The following WNT7B variants were observed in gnomAD, a reference collection of about 807,000 sequenced individuals.
WNT7B encodes Wnt family member 7B, also known as protein Wnt-7b.
A neutral mutation model predicts 38.2 loss-of-function variants in WNT7B; 19 were observed. The observed-to-expected ratio is 0.50, with a 90% CI of 0.35 to 0.73. WNT7B has a LOEUF of 0.73. Among genes scored for constraint, WNT7B ranks in the 30% least tolerant of loss-of-function variants. WNT7B has a pLI of 0.01. For missense variants in WNT7B, 423 were observed against 507.9 expected (o/e 0.83, Z 1.61); for synonymous variants, 243 against 209.3 (o/e 1.16, Z -1.39).
rs78437334 is a variant in WNT7B, at chr22:45,920,544, G to C, written c.*2312C>G. 2.0e-5 allele frequency: 3 copies of C among 151,248 alleles called. No homozygotes were observed. Among genetic ancestry groups the C allele is most frequent in the Non-Finnish European group, 3.0e-5 (2 of 67,780 alleles). 9.4% of individuals were successfully genotyped at this position (151,248 alleles called of 1,614,324 possible). ...TTTGGGGTGGGCAGGGGCTCAGTGG[G>C]GTGCCCGGCAGCCAAGGGACAGTGC... is the stretch of plus-strand genomic sequence containing the variant. On this transcript the variant is annotated 3_prime_UTR_variant, in exon 4 of 4. Coordinates refer to ENST00000339464, the MANE Select transcript of WNT7B (RefSeq NM_058238.3).
chr22:45,931,585 C>T (rs1413104630), intron 2 of WNT7B, among the ~76,000 whole-genome samples: 1 of 151,956 alleles, frequency 6.6e-6, no homozygotes, highest in Admixed American at 6.5e-5. Flanking sequence ...ATACAGCAGG[C>T]CCCAGGTCAC....
At position 45,948,291 on chromosome 22, in the gene WNT7B, T is replaced by G. The variant is rs1389997364; in HGVS notation, c.298+1629A>C. Among the ~76,000 whole-genome samples the G allele has an allele frequency of 2.0e-5, 3 of 152,208 alleles. No homozygotes were observed. In the East Asian group the frequency reaches 5.8e-4, roughly 29 times the overall value. On this transcript the variant is annotated intron_variant, in intron 2 of 3. Transcript: ENST00000339464. Reference sequence around the variant, plus strand: ...CCCCACTGGGGTGGATGGGCAGCCCTGCCTGCCACAGCTGGCACCTGGAGG... The same window carrying G: ...CCCCACTGGGGTGGATGGGCAGCCCGGCCTGCCACAGCTGGCACCTGGAGG...
chr22:45,928,331 T>G (rs1330426016), intron 3 of WNT7B, among the ~76,000 whole-genome samples: 1 of 152,178 alleles, frequency 6.6e-6, no homozygotes, highest in South Asian at 2.1e-4. Flanking sequence ...CACCTCCCAC[T>G]GCCGTGATGC....
At chr22:45,949,873 C>A (rs760710634) in intron 2 of WNT7B, 47 bp downstream of exon 2, 48 of 1,563,244 alleles carry the variant, frequency 3.1e-5, no homozygotes, top group Non-Finnish European at 4.2e-5. Context: ...TGGCCTACTG[C>A]CCCTGGCCAC....
chr22:45,970,589 C>A (rs1932413121), intron 1 of WNT7B, among the ~76,000 whole-genome samples: 1 of 152,074 alleles, frequency 6.6e-6, no homozygotes, highest in African/African-American at 2.4e-5. Flanking sequence ...TGGTCTCCCA[C>A]CCCGGACACC....
At chr22:45,969,621 C>T (rs28615830) in intron 1 of WNT7B, among the ~76,000 whole-genome samples, 14,904 of 152,286 alleles carry the variant, frequency 0.098, 1,032 homozygotes, top group African/African-American at 0.19. Flanking sequence ...GGGCGCAGGG[C>T]GCTTCCAGGC....
chr22:45,931,038 G>A, intron 3 of WNT7B, 60 bp downstream of exon 3: 1 of 1,501,584 alleles, frequency 6.7e-7, no homozygotes, highest in Non-Finnish European at 8.8e-7. Context: ...GGCTCCGAGA[G>A]GTCAGCGGGT....
At chr22:45,959,306 C>T (rs1031975924) in intron 1 of WNT7B, among the ~76,000 whole-genome samples, 6 of 152,244 alleles carry the variant, frequency 3.9e-5, no homozygotes, top group East Asian at 3.9e-4. Flanking sequence ...ACAGGTCAGT[C>T]GAAACCAGCT....
At chr22:45,930,306 G>C (rs1424564595) in intron 3 of WNT7B, among the ~76,000 whole-genome samples, 1 of 152,256 alleles carries the variant, frequency 6.6e-6, no homozygotes, top group African/African-American at 2.4e-5. Flanking sequence ...GGATTCTTCA[G>C]CTCCACTTTG....
chr22:45,958,620 A>G (rs1381749270), intron 1 of WNT7B, among the ~76,000 whole-genome samples: 1 of 152,154 alleles, frequency 6.6e-6, no homozygotes. Context: ...TTCCCTCAGA[A>G]CAGGAATCGG....
At chr22:45,926,285 C>A (rs564011380) in intron 3 of WNT7B, 2 of 985,296 alleles carry the variant, frequency 2.0e-6, no homozygotes, top group Admixed American at 6.1e-5. Context: ...CAAGAGACCA[C>A]CTGGCAGGGC....
chr22:45,929,055 G>C (rs141161086), intron 3 of WNT7B, among the ~76,000 whole-genome samples: 3 of 152,122 alleles, frequency 2.0e-5, no homozygotes, highest in Non-Finnish European at 2.9e-5. Flanking sequence ...AATGGGGAGA[G>C]TGAGAGTTTC....
At chr22:45,961,156 G>A (rs549214859) in intron 1 of WNT7B, among the ~76,000 whole-genome samples, 1 of 152,378 alleles carries the variant, frequency 6.6e-6, no homozygotes, top group South Asian at 2.1e-4. Flanking sequence ...GGGCGCGCCG[G>A]TGAGAAGGAA....
intron 3 of WNT7B, among the ~76,000 whole-genome samples, chr22:45,929,258 T>G (rs973579464): frequency 6.6e-6 from 1 of 152,196 alleles, no homozygotes; most frequent in South Asian, 2.1e-4. Context: ...AGGCCTCCTT[T>G]ATGGCATGGA....
chr22:45,952,626 C>A (rs1931960425), intron 1 of WNT7B, among the ~76,000 whole-genome samples: 1 of 152,262 alleles, frequency 6.6e-6, no homozygotes, highest in Non-Finnish European at 1.5e-5. Context: ...CTCTCCAGTC[C>A]CAAATTCTCC....
intron 1 of WNT7B, among the ~76,000 whole-genome samples, chr22:45,959,072 C>A (rs1052634459): frequency 6.6e-6 from 1 of 152,210 alleles, no homozygotes; most frequent in Admixed American, 6.5e-5. Context: ...CAAGGCCAGG[C>A]GTGGCAGAGC....
chr22:45,930,988 C>A, intron 3 of WNT7B, 110 bp downstream of exon 3: 1 of 1,414,638 alleles, frequency 7.1e-7, no homozygotes, highest in East Asian at 2.5e-5. Flanking sequence ...CCCTGCACAC[C>A]TACGGAGACT....
intron 1 of WNT7B, among the ~76,000 whole-genome samples, chr22:45,971,666 G>A (rs962979488): frequency 1.3e-5 from 2 of 152,236 alleles, no homozygotes; most frequent in African/African-American, 4.8e-5. Context: ...GGTACAGTCC[G>A]GGCGCTGTCC....
chr22:45,930,993 G>C, intron 3 of WNT7B, 105 bp downstream of exon 3: 1 of 1,425,276 alleles, frequency 7.0e-7, no homozygotes, highest in East Asian at 2.5e-5. Context: ...CACACCTACG[G>C]AGACTCAACT....
Sources: gnomAD v4.1 joint callset for allele counts (sites outside exome capture counted in the v4.1 genomes callset) on GRCh38, gnomAD v4.1.1 for gene constraint, MANE v1.5 for transcripts, NCBI Gene and HGNC (gene_info 2026-07-23, HGNC 2026-07-21) for gene names.